The following NUP93 variants were observed in gnomAD, a reference collection of about 807,000 sequenced individuals.
NUP93 encodes the protein nucleoporin 93.
Under a neutral mutation model 107.8 loss-of-function variants are expected in NUP93, and 55 were observed. That is an observed-to-expected ratio of 0.51 (90% CI 0.41 to 0.64). The LOEUF (loss-of-function observed/expected upper bound fraction) is 0.64. Among genes scored for constraint, NUP93 ranks in the 30% least tolerant of loss-of-function variants. NUP93 has a pLI of 0.00. For synonymous variants in NUP93, 390 were observed against 397.5 expected (o/e 0.98, Z 0.22); for missense variants, 937 against 1,044.7 (o/e 0.90, Z 1.42).
rs774166568 is a variant in NUP93, at chr16:56,758,654, A to G, written c.296A>G (p.Gln99Arg). The stretch of plus-strand genomic sequence containing the variant: ...GAGCCTGTGAAGGACACTGACATTC[A>G]GGTAAGGGCTGCCAAGTGCAGGTGG... ...PLEPVKDTDI[Q>R]GFLKNEKDNA... is the part of the protein sequence containing the mutation. The change falls in exon 3 of 22, where the codon CAG (glutamine) becomes CGG (arginine). Residue 99 changes from glutamine (Q) to arginine (R), a missense_variant and splice_region_variant. Physicochemically the swap from Gln to Arg is conservative, Grantham distance 43. Coordinates refer to ENST00000308159, the MANE Select transcript of NUP93 (RefSeq NM_014669.5). 6.2e-7 allele frequency: 1 copy of G among 1,611,532 alleles called. No individual in the cohort carries two copies. The highest frequency in any genetic ancestry group is 8.5e-7 in the Non-Finnish European group (1 of 1,177,676).
At chr16:56,751,823 T>A (rs1961926270) in intron 2 of NUP93, among the ~76,000 whole-genome samples, 1 of 152,200 alleles carries the variant, frequency 6.6e-6, no homozygotes, top group Non-Finnish European at 1.5e-5. Flanking sequence ...CATGTGGGAC[T>A]GCCTGGCTTT....
chr16:56,800,636 A>G (rs955563111), intron 4 of NUP93, among the ~76,000 whole-genome samples: 1 of 152,204 alleles, frequency 6.6e-6, no homozygotes, highest in Non-Finnish European at 1.5e-5. Context: ...TTTTCACACA[A>G]AAAGTGAGCA....
At chr16:56,837,115 A>T (rs1390685019) in intron 17 of NUP93, among the ~76,000 whole-genome samples, 1 of 152,248 alleles carries the variant, frequency 6.6e-6, no homozygotes, top group Admixed American at 6.5e-5. Flanking sequence ...GGAGTGAAAG[A>T]AAATAAGACC....
intron 3 of NUP93, among the ~76,000 whole-genome samples, chr16:56,779,820 T>C (rs1469005330): frequency 6.6e-6 from 1 of 152,216 alleles, no homozygotes; most frequent in Non-Finnish European, 1.5e-5. Flanking sequence ...TGAAGTTTTT[T>C]TCAGTAAATA....
intron 1 of NUP93, among the ~76,000 whole-genome samples, chr16:56,739,666 C>CAG: frequency 8.1e-6 from 1 of 122,820 alleles, no homozygotes; most frequent in African/African-American, 3.5e-5. Flanking sequence ...GCTGGCCGGG[C>CAG]GGAGGGCTGA....
intron 13 of NUP93, 134 bp downstream of exon 13, chr16:56,833,540 A>G (rs374712467): frequency 1.5e-6 from 1 of 664,680 alleles, no homozygotes; most frequent in South Asian, 2.7e-5. Flanking sequence ...TGGACAGTTG[A>G]GCTTTTTAGA....
At chr16:56,842,630 G>T in intron 21 of NUP93, 1 of 450,232 alleles carries the variant, frequency 2.2e-6, no homozygotes, top group Non-Finnish European at 4.4e-6. Context: ...TCAGCTCACT[G>T]CAACCTCTAC....
chr16:56,741,888 G>A (rs1961746231), intron 1 of NUP93: 1 of 152,292 alleles, frequency 6.6e-6, no homozygotes, highest in East Asian at 1.9e-4. Flanking sequence ...TTGAAATTCT[G>A]CAGGAAAATA....
chr16:56,796,987 A>G (rs112623291), intron 3 of NUP93, among the ~76,000 whole-genome samples: 16,576 of 151,466 alleles, frequency 0.11, 1,112 homozygotes, highest in Middle Eastern at 0.24. Flanking sequence ...AAAAGCAAAA[A>G]CACGAGGCTG....
intron 5 of NUP93, among the ~76,000 whole-genome samples, chr16:56,816,023 G>C (rs377280083): frequency 1.6e-4 from 25 of 152,330 alleles, no homozygotes; most frequent in African/African-American, 6.0e-4. Flanking sequence ...TGGCAGGCAG[G>C]ATAGAGCAGT....
At chr16:56,774,848 A>C (rs1962383413) in intron 3 of NUP93, among the ~76,000 whole-genome samples, 1 of 150,924 alleles carries the variant, frequency 6.6e-6, no homozygotes, top group Admixed American at 6.6e-5. Context: ...TTTAGAAATC[A>C]TATGTGGGTA....
intron 1 of NUP93, among the ~76,000 whole-genome samples, chr16:56,742,291 T>C (rs1961752037): frequency 6.6e-6 from 1 of 152,228 alleles, no homozygotes; most frequent in Admixed American, 6.5e-5. Context: ...CTAGTTAGGG[T>C]AGCTTACTTA....
intron 3 of NUP93, among the ~76,000 whole-genome samples, chr16:56,773,903 A>G (rs1396588908): frequency 6.6e-6 from 1 of 152,236 alleles, no homozygotes; most frequent in Non-Finnish European, 1.5e-5. Context: ...AAGAATTTAT[A>G]AGCACCTTTG....
chr16:56,771,411 G>T (rs1460088035), intron 3 of NUP93, among the ~76,000 whole-genome samples: 3 of 152,020 alleles, frequency 2.0e-5, no homozygotes, highest in Non-Finnish European at 2.9e-5. Context: ...CTTATGCCTT[G>T]CTGAGGAAGG....
In NUP93 at chr16:56,818,664, C is replaced by G. The variant is rs768793718; in HGVS notation, c.490C>G (p.Pro164Ala). 8 of 1,613,420 alleles carry G rather than the reference C, an allele frequency of 5.0e-6. No individual in the cohort carries two copies. The highest frequency in any genetic ancestry group is 2.7e-5 in the African/African-American group (2 of 74,898). Residue 164 changes from proline to alanine, a missense_variant and splice_region_variant, in exon 6 of 22, where the codon CCA (proline) becomes GCA (alanine). Transcript: ENST00000308159. ...DALDFTQESE[P>A]SYISDVGPPG... ...ATTCTGAATGTGTATTTATCCACAG[C>G]CAAGCTACATCAGTGATGTGGGACC...
At position 56,802,140 on chromosome 16, in the gene NUP93, C is replaced by T. The variant is rs113037052; in HGVS notation, c.361-3364C>T. ...CCCCTGCCTCCTAACTTCTACCCTA[C>T]CTGATCCTTATGCCACCTGGCCCTC... On this transcript the variant is annotated intron_variant, in intron 4 of 21. Coordinates refer to ENST00000308159, the MANE Select transcript of NUP93 (RefSeq NM_014669.5). 2.8e-3 allele frequency among the ~76,000 whole-genome samples: 421 copies of T among 152,326 alleles called. 3 individuals carry two copies. The highest frequency in any genetic ancestry group is 9.6e-3 in the African/African-American group (398 of 41,566).
chr16:56,777,826 A>T (rs1424348498), intron 3 of NUP93, among the ~76,000 whole-genome samples: 1 of 152,242 alleles, frequency 6.6e-6, no homozygotes, highest in East Asian at 1.9e-4. Flanking sequence ...TAAGGCTGGA[A>T]TTATCTCAGG....
intron 3 of NUP93, among the ~76,000 whole-genome samples, chr16:56,776,880 A>C (rs545871962): frequency 1.3e-5 from 2 of 152,374 alleles, no homozygotes; most frequent in East Asian, 3.9e-4. Flanking sequence ...CTATGAATCC[A>C]GTGAACATAT....
intron 5 of NUP93, among the ~76,000 whole-genome samples, chr16:56,815,889 GCT>G (rs1963415306): frequency 1.4e-5 from 2 of 139,618 alleles, no homozygotes; most frequent in South Asian, 4.8e-4. Flanking sequence ...TGCTGCTGCT[GCT>G]GCTGCTGGTG....
Sources: allele counts gnomAD v4.1 joint callset (sites outside exome capture counted in the v4.1 genomes callset), GRCh38; gene constraint gnomAD v4.1.1; transcripts MANE v1.5; gene names NCBI Gene and HGNC (gene_info 2026-07-23, HGNC 2026-07-21).